The following LIMCH1 variants were observed in gnomAD, a reference collection of about 807,000 sequenced individuals.
LIMCH1 encodes the protein LIM and calponin homology domains-containing protein 1.
Under a neutral mutation model 176.5 loss-of-function variants are expected in LIMCH1, and 113 were observed. The ratio of observed to expected loss-of-function variants is 0.64; its 90% CI spans 0.55 to 0.75. LIMCH1 has a LOEUF of 0.75. LIMCH1 is among the 30% of genes least tolerant of loss of function. The pLI, the probability that LIMCH1 is intolerant of heterozygous loss-of-function variation, is 0.00. For synonymous variants in LIMCH1, 619 were observed against 645.9 expected (o/e 0.96, Z 0.63); for missense variants, 1,674 against 1,814.9 (o/e 0.92, Z 1.41).
chr4:41,609,674 A>G (rs952367734), intron 4 of LIMCH1: 1 of 455,896 alleles, frequency 2.2e-6, no homozygotes, highest in African/African-American at 2.0e-5. Context: ...AATAATCCCA[A>G]AATTTCATGA....
intron 1 of LIMCH1, among the ~76,000 whole-genome samples, chr4:41,472,344 C>T (rs1442886918): frequency 6.9e-6 from 1 of 144,160 alleles, no homozygotes; most frequent in Non-Finnish European, 1.5e-5. Context: ...CTCCCTGCCT[C>T]CCTCCCTGCC....
intron 18 of LIMCH1, 48 bp from the exon 19 acceptor site, chr4:41,661,372 C>G (rs746761784): frequency 1.5e-6 from 2 of 1,346,698 alleles, no homozygotes; most frequent in Non-Finnish European, 2.1e-6. Context: ...ATTTTTAGAA[C>G]TTTTAAAGGA....
At chr4:41,679,495 A>G (rs1050080792) in intron 23 of LIMCH1, among the ~76,000 whole-genome samples, 2 of 152,222 alleles carry the variant, frequency 1.3e-5, no homozygotes, top group Non-Finnish European at 2.9e-5. Context: ...GGAAGACTCT[A>G]TTTTGGTAGA....
intron 1 of LIMCH1, among the ~76,000 whole-genome samples, chr4:41,413,394 A>G (rs1485726604): frequency 6.6e-6 from 1 of 151,950 alleles, no homozygotes; most frequent in African/African-American, 2.4e-5. Flanking sequence ...CAGTGGTGCA[A>G]TCATAGCTCA....
At position 41,646,294 on chromosome 4, in the gene LIMCH1, G is replaced by C; in HGVS notation, c.2411+14G>C. On this transcript the variant is annotated intron_variant, in intron 16 of 31. Coordinates refer to ENST00000503057, the MANE Select transcript of LIMCH1 (RefSeq NM_001330672.2). ...TGTTCAAGAAAAGTGAGTTCTTTCT[G>C]TTGTCGTTTTTAATGTACAATATTA... 2 of 1,594,482 alleles carry C rather than the reference G, an allele frequency of 1.3e-6. No individual in the cohort carries two copies. The highest frequency in any genetic ancestry group is 1.7e-6 in the Non-Finnish European group (2 of 1,174,388).
intron 1 of LIMCH1, among the ~76,000 whole-genome samples, chr4:41,455,649 A>AC (rs750770434): frequency 2.6e-5 from 4 of 152,164 alleles, no homozygotes; most frequent in African/African-American, 9.7e-5. Flanking sequence ...AAACAAAAAA[A>AC]CCCAAATAAA....
chr4:41,441,307 A>G (rs1230885405), intron 1 of LIMCH1, among the ~76,000 whole-genome samples: 3 of 152,242 alleles, frequency 2.0e-5, no homozygotes, highest in Admixed American at 2.0e-4. Context: ...GTTTTAAGCA[A>G]AGATCTAATT....
At chr4:41,391,052 T>G (rs1038848779) in intron 1 of LIMCH1, among the ~76,000 whole-genome samples, 4 of 152,186 alleles carry the variant, frequency 2.6e-5, no homozygotes, top group African/African-American at 9.7e-5. Flanking sequence ...ACAATACTGT[T>G]AAATAAATGC....
chr4:41,647,304 A>T (rs1420025837), intron 17 of LIMCH1, among the ~76,000 whole-genome samples: 1 of 152,246 alleles, frequency 6.6e-6, no homozygotes, highest in Non-Finnish European at 1.5e-5. Context: ...AAGTATATGC[A>T]GCTACCTCTC....
At chr4:41,660,704 G>A (rs1241387872) in intron 18 of LIMCH1, among the ~76,000 whole-genome samples, 1 of 152,130 alleles carries the variant, frequency 6.6e-6, no homozygotes, top group Non-Finnish European at 1.5e-5. Flanking sequence ...AAGCTCTGAT[G>A]GACTCTCACA....
intron 1 of LIMCH1, among the ~76,000 whole-genome samples, chr4:41,404,786 AAAT>A (rs1159741863): frequency 1.3e-5 from 2 of 152,186 alleles, no homozygotes; most frequent in African/African-American, 2.4e-5. Flanking sequence ...CTCAAAAAAC[AAAT>A]AATAATAATT....
chr4:41,388,874 C>T (rs1319770725), intron 1 of LIMCH1, among the ~76,000 whole-genome samples: 2 of 152,212 alleles, frequency 1.3e-5, no homozygotes, highest in East Asian at 3.8e-4. Context: ...AACTCCAGAC[C>T]TCAGGTGATC....
intron 1 of LIMCH1, among the ~76,000 whole-genome samples, chr4:41,370,551 G>A (rs912858424): frequency 6.6e-5 from 10 of 152,242 alleles, no homozygotes; most frequent in Non-Finnish European, 1.5e-4. Flanking sequence ...GGAGCTGAAT[G>A]TTGTCATCAG....
intron 2 of LIMCH1, among the ~76,000 whole-genome samples, chr4:41,516,380 A>G (rs1296589898): frequency 6.6e-6 from 1 of 152,208 alleles, no homozygotes; most frequent in African/African-American, 2.4e-5. Context: ...ATCTGTAGAA[A>G]TGCAAAAAGT....
intron 1 of LIMCH1, among the ~76,000 whole-genome samples, chr4:41,488,344 C>T (rs1203864777): frequency 6.6e-6 from 1 of 152,068 alleles, no homozygotes; most frequent in Non-Finnish European, 1.5e-5. Context: ...TGGACAGATT[C>T]TGGGAAAAAA....
intron 1 of LIMCH1, among the ~76,000 whole-genome samples, chr4:41,426,092 G>A (rs1029391655): frequency 9.5e-5 from 14 of 146,722 alleles, no homozygotes; most frequent in African/African-American, 3.6e-4. Flanking sequence ...CGGGATCTCG[G>A]CTCACTGCAA....
At chr4:41,536,068 A>G (rs1428197658), upstream of LIMCH1, among the ~76,000 whole-genome samples, 1 of 152,222 alleles carries the variant, frequency 6.6e-6, no homozygotes, top group East Asian at 1.9e-4. Context: ...AAAATATATA[A>G]TAGCAGGAAA....
intron 1 of LIMCH1, among the ~76,000 whole-genome samples, chr4:41,571,401 G>T (rs1399087187): frequency 6.6e-6 from 1 of 152,146 alleles, no homozygotes; most frequent in African/African-American, 2.4e-5. Flanking sequence ...AAGGAATGGA[G>T]TATTGACAGT....
At chr4:41,547,863 GTATATATATATA>G (rs573342962) in intron 1 of LIMCH1, among the ~76,000 whole-genome samples, 93 of 93,224 alleles carry the variant, frequency 1.0e-3, no homozygotes, top group African/African-American at 2.7e-3. Flanking sequence ...TTGTGTGTGT[GTATATATATATA>G]TATATATATA....
Sources: allele counts gnomAD v4.1 joint callset (sites outside exome capture counted in the v4.1 genomes callset), GRCh38; gene constraint gnomAD v4.1.1; transcripts MANE v1.5; gene names NCBI Gene and HGNC (gene_info 2026-07-23, HGNC 2026-07-21).